DCDC1: variants seen among roughly 807,000 people sequenced by gnomAD.
DCDC1 encodes doublecortin domain containing 1, also known as doublecortin domain-containing protein 1.
Under a neutral mutation model 178.3 loss-of-function variants are expected in DCDC1, and 200 were observed. The observed-to-expected ratio is 1.12, with a 90% confidence interval of 1.00 to 1.26. DCDC1 has a LOEUF of 1.26. Ranked by LOEUF, DCDC1 falls within the 50% of genes most tolerant of loss-of-function variation. DCDC1 has a pLI of 0.00. For missense variants in DCDC1, 1,983 were observed against 1,749.2 expected, an observed-to-expected ratio of 1.13 and a Z score of -2.38; for synonymous variants, 690 against 604.8, an observed-to-expected ratio of 1.14 and a Z score of -2.07.
chr11:31,144,585 C>A (rs1267454700), intron 9 of DCDC1, among the ~76,000 whole-genome samples: 1 of 152,188 alleles, frequency 6.6e-6, no homozygotes, highest in African/African-American at 2.4e-5. Context: ...TATCATCCAT[C>A]AAATTTTTTG....
rs1189383332 is a variant in DCDC1 at position 31,338,287 on chromosome 11, T to C, written c.-124-2723A>G. Among the ~76,000 whole-genome samples the C allele has an allele frequency of 3.3e-5, 5 of 152,268 alleles. No homozygotes were observed. In the East Asian group the frequency reaches 9.7e-4, roughly 29 times the overall value. ...ATTCTGTTAGGTGTGATGTGGCAAA[T>C]GCATTAACTTTTAGTTTATAGGTTA... On this transcript the variant is annotated intron_variant, in intron 1 of 38. Coordinates refer to ENST00000684477, the MANE Select transcript of DCDC1 (RefSeq NM_001387274.1).
At chr11:31,018,852 G>A (rs1303814293) in intron 20 of DCDC1, among the ~76,000 whole-genome samples, 1 of 152,172 alleles carries the variant, frequency 6.6e-6, no homozygotes, top group African/African-American at 2.4e-5. Flanking sequence ...ATTCTAAGAT[G>A]TTGGCAAATG....
chr11:31,000,298 A>G (rs1339690801), intron 20 of DCDC1, among the ~76,000 whole-genome samples: 1 of 152,160 alleles, frequency 6.6e-6, no homozygotes, highest in Non-Finnish European at 1.5e-5. Context: ...ACTGTTTGCA[A>G]TCTTTATTAT....
At chr11:31,310,992 T>A (rs1948738703) in intron 3 of DCDC1, among the ~76,000 whole-genome samples, 1 of 152,168 alleles carries the variant, frequency 6.6e-6, no homozygotes, top group South Asian at 2.1e-4. Flanking sequence ...CCTATCTCCT[T>A]CTGTGTCTAC....
chr11:31,211,070 T>A (rs1000553374), intron 9 of DCDC1, among the ~76,000 whole-genome samples: 1 of 152,198 alleles, frequency 6.6e-6, no homozygotes, highest in Non-Finnish European at 1.5e-5. Context: ...AAAACATTTA[T>A]GACTTTTACA....
intron 9 of DCDC1, among the ~76,000 whole-genome samples, chr11:31,200,648 T>C (rs1408256647): frequency 1.3e-5 from 2 of 152,064 alleles, no homozygotes; most frequent in African/African-American, 2.4e-5. Flanking sequence ...AATAATATTA[T>C]TTTTTAAAGG....
At chr11:31,123,874 G>A (rs942001934) in intron 11 of DCDC1, among the ~76,000 whole-genome samples, 2 of 151,906 alleles carry the variant, frequency 1.3e-5, no homozygotes, top group African/African-American at 4.8e-5. Context: ...GAAACCACTA[G>A]AAAAATATTC....
At chr11:30,950,676 G>A (rs1948363000) in intron 21 of DCDC1, among the ~76,000 whole-genome samples, 1 of 152,086 alleles carries the variant, frequency 6.6e-6, no homozygotes, top group African/African-American at 2.4e-5. Context: ...TGGAGATAGA[G>A]ACTAGAATGA....
intron 9 of DCDC1, among the ~76,000 whole-genome samples, chr11:31,149,745 C>A (rs948042637): frequency 2.0e-5 from 3 of 151,812 alleles, no homozygotes; most frequent in South Asian, 2.1e-4. Context: ...TCACTCACTG[C>A]GAAGGTCTGT....
At chr11:31,225,329 C>G (rs1974784987) in intron 9 of DCDC1, among the ~76,000 whole-genome samples, 1 of 140,364 alleles carries the variant, frequency 7.1e-6, no homozygotes, top group Non-Finnish European at 1.5e-5. Flanking sequence ...TATGAGGAGG[C>G]AAAGGCATAA....
At chr11:31,078,450 A>C (rs1016469199) in intron 17 of DCDC1, among the ~76,000 whole-genome samples, 1 of 152,228 alleles carries the variant, frequency 6.6e-6, no homozygotes, top group Non-Finnish European at 1.5e-5. Flanking sequence ...AAATTAACTA[A>C]TCATGTATTC....
At chr11:30,871,620 T>A (rs1031376318) in intron 38 of DCDC1, among the ~76,000 whole-genome samples, 1 of 152,150 alleles carries the variant, frequency 6.6e-6, no homozygotes, top group East Asian at 1.9e-4. Context: ...CAGCTTGATA[T>A]ATATATCAAG....
At chr11:31,171,071 GC>G (rs746312074) in intron 9 of DCDC1, among the ~76,000 whole-genome samples, 2 of 151,934 alleles carry the variant, frequency 1.3e-5, no homozygotes, top group South Asian at 2.1e-4. Context: ...CAGGTGATCC[GC>G]CCCCCTTGGC....
At chr11:30,986,226 G>GAAAA (rs910790520) in intron 20 of DCDC1, among the ~76,000 whole-genome samples, 5 of 140,910 alleles carry the variant, frequency 3.5e-5, no homozygotes, top group Admixed American at 2.1e-4. Flanking sequence ...CAGACAGCAA[G>GAAAA]AAAAAAAAAA....
intron 32 of DCDC1, among the ~76,000 whole-genome samples, chr11:30,902,334 C>G (rs1394519371): frequency 6.6e-5 from 10 of 152,240 alleles, no homozygotes; most frequent in Non-Finnish European, 1.3e-4. Flanking sequence ...GAACGTAACC[C>G]TCACCAGACA....
At chr11:31,249,174 G>C (rs1056980652) in intron 8 of DCDC1, among the ~76,000 whole-genome samples, 1 of 152,086 alleles carries the variant, frequency 6.6e-6, no homozygotes. Flanking sequence ...CAAAAACTAG[G>C]AGTGATGATT....
At position 30,931,867 on chromosome 11, in the gene DCDC1, G is replaced by A. The variant is rs751398491; in HGVS notation, c.2801C>T (p.Ala934Val). 1.2e-6 allele frequency: 2 copies of A among 1,613,076 alleles called. No homozygotes were observed. Among genetic ancestry groups the A allele is most frequent in the Non-Finnish European group, 8.5e-7 (1 of 1,179,376 alleles). The change falls in exon 22 of 39, where the codon GCC (alanine) becomes GTC (valine). Residue 934 changes from alanine (A) to valine (V), a missense_variant. Ala to Val is a moderately conservative substitution (Grantham distance 64). Coordinates refer to ENST00000684477, the MANE Select transcript of DCDC1 (RefSeq NM_001387274.1). ...CTGCAAAACTCTGAGTCGCACAGGG[G>A]CATATGGCTCTGTTGTCTTACAGAT... ...KPICKTTEPYAPVRLRVLQNG... is the reference protein window; with the variant it reads ...KPICKTTEPYVPVRLRVLQNG...
intron 9 of DCDC1, among the ~76,000 whole-genome samples, chr11:31,178,944 G>C (rs1359225127): frequency 6.6e-6 from 1 of 152,120 alleles, no homozygotes; most frequent in Non-Finnish European, 1.5e-5. Flanking sequence ...GCCCACCTCA[G>C]CTTCCCAAAG....
chr11:30,950,947 T>C (rs1948380814), intron 21 of DCDC1, among the ~76,000 whole-genome samples: 3 of 152,092 alleles, frequency 2.0e-5, no homozygotes, highest in African/African-American at 7.2e-5. Flanking sequence ...CTACATGATA[T>C]GCCTGTATCA....
Sources: gnomAD v4.1 joint callset for allele counts (sites outside exome capture counted in the v4.1 genomes callset) on GRCh38, gnomAD v4.1.1 for gene constraint, MANE v1.5 for transcripts, NCBI Gene and HGNC (gene_info 2026-07-23, HGNC 2026-07-21) for gene names.